The following CENPW variants were observed in gnomAD, a reference collection of about 807,000 sequenced individuals.
CENPW encodes cancer-up-regulated gene 2 protein.
Under a neutral mutation model 11.1 loss-of-function variants are expected in CENPW, and 3 were observed. The observed-to-expected ratio is 0.27, with a 90% CI of 0.12 to 0.70. The LOEUF (loss-of-function observed/expected upper bound fraction) is 0.70, where lower values mean the gene tolerates loss of function less well. Among genes scored for constraint, CENPW ranks in the 30% least tolerant of loss-of-function variants. The pLI is 0.77. For synonymous variants in CENPW, 38 were observed against 42.0 expected (o/e 0.91, Z 0.37); for missense variants, 100 against 105.6 (o/e 0.95, Z 0.23).
the CENPW span, among the ~76,000 whole-genome samples, chr6:126,422,165 G>C: frequency 6.6e-6 from 1 of 152,068 alleles, no homozygotes; most frequent in Non-Finnish European, 1.5e-5. Context: ...CAAGGAAAAA[G>C]ATGAGAATAA....
At chr6:126,463,130 C>T in the CENPW span, among the ~76,000 whole-genome samples, 1 of 151,910 alleles carries the variant, frequency 6.6e-6, no homozygotes, top group Non-Finnish European at 1.5e-5. Flanking sequence ...CAGACACATT[C>T]CTCTCTTATG....
At chr6:126,413,173 A>C in the CENPW span, among the ~76,000 whole-genome samples, 1 of 152,156 alleles carries the variant, frequency 6.6e-6, no homozygotes, top group Non-Finnish European at 1.5e-5. Flanking sequence ...TTGTAAAATA[A>C]TTGCTGAAAA....
the CENPW span, among the ~76,000 whole-genome samples, chr6:126,375,217 A>C: frequency 4.6e-5 from 7 of 152,192 alleles, no homozygotes; most frequent in African/African-American, 1.7e-4. Flanking sequence ...CAGTGTGTTC[A>C]AGAAACAGAA....
chr6:126,457,967 T>C, the CENPW span, among the ~76,000 whole-genome samples: 3 of 151,514 alleles, frequency 2.0e-5, no homozygotes, highest in African/African-American at 7.2e-5. Context: ...TTTATCACCA[T>C]CATCTTTCTA....
At chr6:126,396,441 C>T in the CENPW span, among the ~76,000 whole-genome samples, 3 of 152,156 alleles carry the variant, frequency 2.0e-5, no homozygotes, top group African/African-American at 7.2e-5. Context: ...ACTCGCCCTT[C>T]AAGGTTGAGA....
the CENPW span, among the ~76,000 whole-genome samples, chr6:126,417,923 A>G: frequency 3.3e-5 from 5 of 152,220 alleles, no homozygotes; most frequent in Non-Finnish European, 7.3e-5. Flanking sequence ...TCAATAATAT[A>G]AGTAACTCAA....
the CENPW span, among the ~76,000 whole-genome samples, chr6:126,356,556 A>T: frequency 6.6e-6 from 1 of 152,188 alleles, no homozygotes; most frequent in East Asian, 1.9e-4. Context: ...ATTCCCATCA[A>T]TTGTGTATAA....
At chr6:126,468,420 C>CAAAAAAAAAAAAAA in the CENPW span, among the ~76,000 whole-genome samples, 1 of 53,534 alleles carries the variant, frequency 1.9e-5, no homozygotes, top group Non-Finnish European at 3.2e-5. Flanking sequence ...AACTCTGTCT[C>CAAAAAAAAAAAAAA]AAAAAAAAAA....
chr6:126,404,778 C>G, the CENPW span, among the ~76,000 whole-genome samples: 1,727 of 150,276 alleles, frequency 0.011, 34 homozygotes, highest in African/African-American at 0.039. Context: ...TTTCATATAC[C>G]TATTGGCCAT....
At chr6:126,468,989 G>A in the CENPW span, among the ~76,000 whole-genome samples, 3,389 of 152,162 alleles carry the variant, frequency 0.022, 65 homozygotes, top group Non-Finnish European at 0.033. Context: ...TTTTGGTAGA[G>A]ACAAGGTTTC....
chr6:126,413,406 T>C, the CENPW span, among the ~76,000 whole-genome samples: 1 of 152,186 alleles, frequency 6.6e-6, no homozygotes, highest in South Asian at 2.1e-4. Flanking sequence ...AAACACCTTA[T>C]ATGCCAGGAG....
chr6:126,454,929 G>T, the CENPW span, among the ~76,000 whole-genome samples: 1 of 150,920 alleles, frequency 6.6e-6, no homozygotes, highest in East Asian at 1.9e-4. Context: ...CCCCTCAAAA[G>T]TACTATGAAC....
At chr6:126,442,550 G>A in the CENPW span, among the ~76,000 whole-genome samples, 1 of 151,048 alleles carries the variant, frequency 6.6e-6, no homozygotes, top group Non-Finnish European at 1.5e-5. Flanking sequence ...AATAACTAAT[G>A]GATATTTTTT....
At chr6:126,479,179 A>G in the CENPW span, among the ~76,000 whole-genome samples, 1 of 151,994 alleles carries the variant, frequency 6.6e-6, no homozygotes, top group South Asian at 2.1e-4. Context: ...TTTAAAGGCT[A>G]TTGTCCCAGG....
At chr6:126,425,912 C>T in the CENPW span, among the ~76,000 whole-genome samples, 1 of 151,444 alleles carries the variant, frequency 6.6e-6, no homozygotes, top group Non-Finnish European at 1.5e-5. Context: ...TGATAATTTT[C>T]CCCCAAAATT....
the CENPW span, among the ~76,000 whole-genome samples, chr6:126,482,361 G>A: frequency 6.6e-6 from 1 of 151,830 alleles, no homozygotes; most frequent in African/African-American, 2.4e-5. Context: ...TATTTTGTCA[G>A]ATAGATATAA....
At chr6:126,412,091 T>A in the CENPW span, among the ~76,000 whole-genome samples, 432 of 23,496 alleles carry the variant, frequency 0.018, 19 homozygotes, top group Admixed American at 0.18. Flanking sequence ...CTCTCTCTCC[T>A]TCCTTCCTTC....
chr6:126,478,188 A>T, the CENPW span, among the ~76,000 whole-genome samples: 2 of 152,062 alleles, frequency 1.3e-5, no homozygotes, highest in South Asian at 4.1e-4. Flanking sequence ...CTTCTCCCTG[A>T]CTTAATTGAC....
chr6:126,362,030 G>C, the CENPW span, among the ~76,000 whole-genome samples: 1 of 152,162 alleles, frequency 6.6e-6, no homozygotes, highest in South Asian at 2.1e-4. Context: ...CACTCAGGCT[G>C]GGCCCTGGAG....
Sources: allele counts gnomAD v4.1 joint callset (sites outside exome capture counted in the v4.1 genomes callset), GRCh38; gene constraint gnomAD v4.1.1; transcripts MANE v1.5; gene names NCBI Gene and HGNC (gene_info 2026-07-23, HGNC 2026-07-21).